The following GOLGA8S variants were observed in gnomAD, a reference collection of about 807,000 sequenced individuals.
The protein encoded by GOLGA8S is golgin subfamily A member 8S.
A neutral mutation model predicts 58.9 loss-of-function variants in GOLGA8S; 23 were observed. That is an observed-to-expected ratio of 0.39 (90% CI 0.28 to 0.55). The LOEUF (loss-of-function observed/expected upper bound fraction) is 0.55. Among genes scored for constraint, GOLGA8S ranks in the 20% least tolerant of loss-of-function variants. The pLI, the probability that GOLGA8S is intolerant of heterozygous loss-of-function variation, is 0.63. For synonymous variants in GOLGA8S, 84 were observed against 195.7 expected, an observed-to-expected ratio of 0.43 and a Z score of 4.76; for missense variants, 266 against 514.2, an observed-to-expected ratio of 0.52 and a Z score of 4.67.
chr15:23,366,105 G>A (rs2069918356), downstream of GOLGA8S: 1 of 151,396 alleles, frequency 6.6e-6, no homozygotes, highest in Admixed American at 6.6e-5. Flanking sequence ...ACACAAAAGG[G>A]CACTGGTTGG....
chr15:23,360,802 C>T (rs768614800), exon 11 of GOLGA8S: 1 of 1,440,202 alleles, frequency 6.9e-7, no homozygotes, highest in Admixed American at 1.7e-5. Flanking sequence ...TGTCCAAACT[C>T]AAAAACCAGA....
chr15:23,364,115 G>A (rs76755775), intron 15 of GOLGA8S, among the ~76,000 whole-genome samples: 11,612 of 136,142 alleles, frequency 0.085, 2,033 homozygotes, highest in Non-Finnish European at 0.1. Flanking sequence ...GGCTGCCAGC[G>A]CCTGGCTCAC....
chr15:23,364,503 G>T (rs4036661), intron 16 of GOLGA8S, 23 bp from the exon 17 acceptor site: 5 of 1,592,198 alleles, frequency 3.1e-6, no homozygotes, highest in Admixed American at 1.7e-5. Context: ...GGGCCCCAGC[G>T]TCTGAGCCCT....
In GOLGA8S at chr15:23,358,026, C is replaced by T. The variant is rs571797000; in HGVS notation, c.309+407C>T. On this transcript the variant is annotated intron_variant, in intron 4 of 18. Coordinates refer to ENST00000562295, the Ensembl canonical transcript of GOLGA8S. ...AGTATCAAAGGTCTCTGTTAGCTCT[C>T]GAGTCTGAGATTTAAAGGCCTCCTA... Among the ~76,000 whole-genome samples the T allele has an allele frequency of 6.0e-4, 91 of 150,780 alleles. 3 individuals are homozygous for T. The highest frequency in any genetic ancestry group is 8.0e-4 in the Non-Finnish European group (54 of 67,514).
chr15:23,358,290 C>T (rs1298098631), intron 4 of GOLGA8S, among the ~76,000 whole-genome samples, 182 bp from the exon 5 acceptor site: 22 of 152,308 alleles, frequency 1.4e-4, no homozygotes, highest in African/African-American at 5.3e-4. Context: ...TGGGCAAAAG[C>T]CAACAAAGAC....
intron 4 of GOLGA8S, among the ~76,000 whole-genome samples, chr15:23,357,854 G>T (rs1182297675): frequency 2.7e-5 from 4 of 149,892 alleles, no homozygotes; most frequent in African/African-American, 9.9e-5. Context: ...TGCTACACAC[G>T]CCCTGGGATT....
At chr15:23,363,763 G>A (rs1186337995) in exon 15 of GOLGA8S, 1 of 581,516 alleles carries the variant, frequency 1.7e-6, no homozygotes, top group Admixed American at 3.5e-5. Context: ...AGAGCAGGGA[G>A]GCCATGGTGA....
downstream of GOLGA8S, chr15:23,366,554 T>A (rs1418710054): frequency 2.0e-5 from 3 of 152,142 alleles, no homozygotes; most frequent in Non-Finnish European, 4.4e-5. Flanking sequence ...AATGTCAATG[T>A]ATTATCAGGA....
exon 12 of GOLGA8S, chr15:23,361,244 C>G: frequency 6.7e-7 from 1 of 1,498,554 alleles, no homozygotes; most frequent in Non-Finnish European, 9.2e-7. Context: ...CCCGGAGCCC[C>G]CAGCAGTGCC....
At chr15:23,357,905 G>A (rs1445790636) in intron 4 of GOLGA8S, among the ~76,000 whole-genome samples, 5 of 149,948 alleles carry the variant, frequency 3.3e-5, no homozygotes, top group African/African-American at 9.8e-5. Flanking sequence ...GGTTGTCAGG[G>A]TCCCTGTATT....
downstream of GOLGA8S, among the ~76,000 whole-genome samples, chr15:23,367,986 G>C (rs2069947860): frequency 6.6e-6 from 1 of 151,776 alleles, no homozygotes; most frequent in African/African-American, 2.4e-5. Flanking sequence ...CCATAATATA[G>C]TTTCTCTAAA....
At chr15:23,365,637 T>TTTG (rs2069908493), downstream of GOLGA8S, 1 of 213,454 alleles carries the variant, frequency 4.7e-6, no homozygotes, top group African/African-American at 2.4e-5. Flanking sequence ...TGTTTATTAC[T>TTTG]TTGTAATATG....
Position 23,360,752 on chromosome 15 carries a change from A to C in GOLGA8S, c.811A>C (p.Lys271Gln), listed in dbSNP as rs558661315. Residue 271 changes from lysine (K) to glutamine (Q), a missense_variant, in exon 11 of 19, where the codon AAG (lysine) becomes CAG (glutamine). Lys to Gln is a moderately conservative substitution (Grantham distance 53). Transcript: ENST00000562295. ...GGTTTGCTCGTTGAAGAAGGAGAAG[A>C]AGCATGATAAATATCGGGTAGAGAC... 4.3e-5 allele frequency: 51 copies of C among 1,178,262 alleles called. 4 individuals carry two copies. The highest frequency in any genetic ancestry group is 2.0e-4 in the Middle Eastern group (1 of 4,898). The allele number at this position is 1,178,262 out of a possible 1,614,324, so 73.0% of individuals were successfully genotyped here.
At chr15:23,365,982 C>T (rs995664477), downstream of GOLGA8S, 3 of 150,980 alleles carry the variant, frequency 2.0e-5, no homozygotes, top group African/African-American at 4.9e-5. Context: ...AGGTTCCCAT[C>T]GTTGACTGTG....
intron 4 of GOLGA8S, among the ~76,000 whole-genome samples, chr15:23,357,995 G>A (rs1471547936): frequency 2.0e-5 from 3 of 149,300 alleles, no homozygotes; most frequent in African/African-American, 7.4e-5. Context: ...TTTCCATGAA[G>A]TAGTGAGTAT....
chr15:23,356,486 A>AT, intron 1 of GOLGA8S, 105 bp from the exon 2 acceptor site: 1 of 176,200 alleles, frequency 5.7e-6, no homozygotes, highest in Middle Eastern at 2.2e-3. Flanking sequence ...TGTTGGTATC[A>AT]TTAAATCAGA....
At chr15:23,358,207 A>C in intron 4 of GOLGA8S, among the ~76,000 whole-genome samples, 1 of 152,298 alleles carries the variant, frequency 6.6e-6, no homozygotes, top group Non-Finnish European at 1.5e-5. Context: ...GCCTTTCTCA[A>C]ACTCCATCTC....
At chr15:23,361,055 A>T (rs1415425881) in intron 11 of GOLGA8S, among the ~76,000 whole-genome samples, 166 bp from the exon 12 acceptor site, 1 of 147,646 alleles carries the variant, frequency 6.8e-6, no homozygotes, top group African/African-American at 2.5e-5. Context: ...AAGACTGGCT[A>T]CCATCTGGGT....
rs1175485450 is a variant in GOLGA8S, at chr15:23,357,887, G to A, written c.309+268G>A. Among the ~76,000 whole-genome samples, 12 of 149,988 alleles carry A rather than the reference G, an allele frequency of 8.0e-5. 1 individual carries two copies. The highest frequency in any genetic ancestry group is 1.8e-4 in the Non-Finnish European group (12 of 67,352). On this transcript the variant is annotated intron_variant, in intron 4 of 18. Transcript: ENST00000562295. ...ATTGTTGCCTCTTGGGGAAGTGCTA[G>A]CCTGACTGGTTGTCAGGGTCCCTGT... is the stretch of plus-strand genomic sequence containing the variant.
Sources: gnomAD v4.1 joint callset for allele counts (sites outside exome capture counted in the v4.1 genomes callset) on GRCh38, gnomAD v4.1.1 for gene constraint, MANE v1.5 for transcripts, NCBI Gene and HGNC (gene_info 2026-07-23, HGNC 2026-07-21) for gene names.